The following HOXC10 variants were observed in gnomAD, a reference collection of about 807,000 sequenced individuals.
HOXC10 encodes the protein homeobox protein Hox-C10.
HOXC10 carries 15 observed loss-of-function variants against 26.0 expected under a neutral mutation model. The observed-to-expected ratio is 0.58, with a 90% confidence interval of 0.39 to 0.89. The LOEUF is 0.89. HOXC10 is among the 40% of genes least tolerant of loss of function. HOXC10 has a pLI of 0.00. For synonymous variants in HOXC10, 196 were observed against 185.5 expected, an observed-to-expected ratio of 1.06 and a Z score of -0.46; for missense variants, 446 against 451.9, an observed-to-expected ratio of 0.99 and a Z score of 0.12.
In HOXC10 at chr12:53,990,049, C is replaced by G. The variant is rs1254172317; in HGVS notation, c.*603C>G. 2 of 151,154 alleles carry G rather than the reference C, an allele frequency of 1.3e-5. No individual in the cohort carries two copies. The highest frequency in any genetic ancestry group is 6.6e-5 in the Admixed American group (1 of 15,116). The allele number at this position is 151,154 out of a possible 1,614,324, so 9.4% of individuals were successfully genotyped here. A position where few individuals can be genotyped will look rare whatever the true frequency, so the allele number is the denominator to read the frequency against. On this transcript the variant is annotated 3_prime_UTR_variant, in exon 2 of 2. Coordinates refer to ENST00000303460, the MANE Select transcript of HOXC10 (RefSeq NM_017409.4). ...TGCTTTTCTCCCACCCCTCCTAGCA[C>G]CCCCACATCCCCCATCTAGTAACAT...
At chr12:53,987,717 C>T (rs1377772201) in intron 1 of HOXC10, among the ~76,000 whole-genome samples, 1 of 152,158 alleles carries the variant, frequency 6.6e-6, no homozygotes, top group Non-Finnish European at 1.5e-5. Context: ...CCTCTCTGTG[C>T]CCTTCTTTCC....
Position 53,985,178 on chromosome 12 carries a change from GC to G in HOXC10, c.-75del, listed in dbSNP as rs1220158645. On this transcript the variant is annotated 5_prime_UTR_variant, in exon 1 of 2. Transcript: ENST00000303460. The stretch of plus-strand genomic sequence containing the variant: ...TTTTTCCTCCCTCCCCTCCAACCGC[GC>G]CCCCCCTCCCGGATGGGGAAAAAAA... 9 of 924,358 alleles carry G rather than the reference GC, an allele frequency of 9.7e-6. No individual in the cohort carries two copies. Among genetic ancestry groups the G allele is most frequent in the Middle Eastern group, 2.5e-4 (1 of 4,026 alleles). 57.3% of individuals were successfully genotyped at this position (924,358 alleles called of 1,614,324 possible). A position where few individuals can be genotyped will look rare whatever the true frequency, so the allele number is the denominator to read the frequency against.
intron 1 of HOXC10, among the ~76,000 whole-genome samples, chr12:53,987,096 G>A (rs775387267): frequency 1.4e-4 from 21 of 152,200 alleles, no homozygotes; most frequent in Non-Finnish European, 2.5e-4. Context: ...CACAACACCG[G>A]CTACTGGTGA....
At chr12:53,987,625 TC>T (rs1342336885) in intron 1 of HOXC10, among the ~76,000 whole-genome samples, 1 of 152,058 alleles carries the variant, frequency 6.6e-6, no homozygotes, top group Non-Finnish European at 1.5e-5. Context: ...CTGCACCCAT[TC>T]CCATAGGCTC....
At chr12:53,987,653 G>A (rs1939458700) in intron 1 of HOXC10, among the ~76,000 whole-genome samples, 1 of 152,202 alleles carries the variant, frequency 6.6e-6, no homozygotes, top group Admixed American at 6.5e-5. Context: ...TCCTCTAGCT[G>A]TCCCCACAGC....
At position 53,985,538 on chromosome 12, in the gene HOXC10, C is replaced by T. The variant is rs146305379; in HGVS notation, c.279C>T (p.Gly93=). The T allele has an allele frequency of 3.7e-6, 6 of 1,613,906 alleles. No individual in the cohort carries two copies. Among genetic ancestry groups the T allele is most frequent in the Non-Finnish European group, 4.2e-6 (5 of 1,180,040 alleles). ...KAAYRLEQPV[G]RPLSSCSYPP... ...CCTATCGCCTGGAACAACCTGTTGG[C>T]AGGCCGCTGTCCTCCTGCTCCTACC... is the stretch of plus-strand genomic sequence containing the variant. The change falls in exon 1 of 2, where the codon GGC becomes GGT. Residue 93 remains glycine, a synonymous_variant. Transcript: ENST00000303460.
intron 1 of HOXC10, 138 bp downstream of exon 1, chr12:53,986,148 C>A (rs1939431325): frequency 3.2e-6 from 3 of 932,266 alleles, no homozygotes; most frequent in South Asian, 2.0e-5. Flanking sequence ...TTTCGACTAG[C>A]GTCCGCTGAG....
At position 53,985,718 on chromosome 12, in the gene HOXC10, G is replaced by A. The variant is rs1432263828; in HGVS notation, c.459G>A (p.Pro153=). ...VPVPSYYRAS[P]SYSALDKTPH... ...TGCCCAGCTACTACCGCGCCAGCCC[G>A]AGCTACTCCGCGCTGGACAAGACGC... The change falls in exon 1 of 2, where the codon CCG becomes CCA. Residue 153 remains proline, a synonymous_variant. Transcript: ENST00000303460. 14 of 1,610,790 alleles carry A rather than the reference G, an allele frequency of 8.7e-6. No individual in the cohort carries two copies. The South Asian group carries it at 1.1e-4, about 13-fold the overall frequency.
rs1486294299 is a variant in HOXC10 at position 53,985,615 on chromosome 12, G to T, written c.356G>T (p.Arg119Leu). 6.2e-7 allele frequency: 1 copy of T among 1,613,784 alleles called. No homozygotes were observed. The highest frequency in any genetic ancestry group is 1.1e-5 in the South Asian group (1 of 91,088). Reference sequence around the variant, plus strand: ...TGCTGCATGTACAGCGCAGAGAAGCGGGCGAAAAGTGGCCCCGAGGCAGCT... The same window carrying T: ...TGCTGCATGTACAGCGCAGAGAAGCTGGCGAAAAGTGGCCCCGAGGCAGCT... ...NVCCMYSAEK[R>L]AKSGPEAALY... is the part of the protein sequence containing the mutation. Residue 119 changes from arginine to leucine, a missense_variant, in exon 1 of 2, where the codon CGG (arginine) becomes CTG (leucine). By Grantham distance (102) the Arg-to-Leu change is moderately radical. Transcript: ENST00000303460.
rs1939421618 is a variant in HOXC10 at position 53,985,724 on chromosome 12, C to T, written c.465C>T (p.Tyr155=). Residue 155 remains tyrosine, a synonymous_variant, in exon 1 of 2, where the codon TAC becomes TAT. Coordinates refer to ENST00000303460, the MANE Select transcript of HOXC10 (RefSeq NM_017409.4). ...GCTACTACCGCGCCAGCCCGAGCTA[C>T]TCCGCGCTGGACAAGACGCCCCACT... The part of the protein sequence containing the change: ...VPSYYRASPS[Y]SALDKTPHCS... 1 of 1,611,448 alleles carries T rather than the reference C, an allele frequency of 6.2e-7. No individual in the cohort carries two copies. The highest frequency in any genetic ancestry group is 8.5e-7 in the Non-Finnish European group (1 of 1,178,142).
Position 53,989,556 on chromosome 12 carries a change from T to C in HOXC10, c.*110T>C. 1 of 1,118,008 alleles carries C rather than the reference T, an allele frequency of 8.9e-7. No homozygotes were observed. The allele number at this position is 1,118,008 out of a possible 1,614,324, so 69.3% of individuals were successfully genotyped here. A position where few individuals can be genotyped will look rare whatever the true frequency, so the allele number is the denominator to read the frequency against. ...TCCCTGAGTATAAATGCAATGCGACTGCAAAAAAGGCAAAGACCTCAGACT... is the reference window on the plus strand; with the variant it reads ...TCCCTGAGTATAAATGCAATGCGACCGCAAAAAAGGCAAAGACCTCAGACT... On this transcript the variant is annotated 3_prime_UTR_variant, in exon 2 of 2. Coordinates refer to ENST00000303460, the MANE Select transcript of HOXC10 (RefSeq NM_017409.4).
In HOXC10 at chr12:53,989,975, C is replaced by G. The variant is rs1309977711; in HGVS notation, c.*529C>G. The G allele has an allele frequency of 6.5e-6, 1 of 153,222 alleles. No homozygotes were observed. The highest frequency in any genetic ancestry group is 2.4e-5 in the African/African-American group (1 of 41,412). The allele number at this position is 153,222 out of a possible 1,614,324, so 9.5% of individuals were successfully genotyped here. A position where few individuals can be genotyped will look rare whatever the true frequency, so the allele number is the denominator to read the frequency against. On this transcript the variant is annotated 3_prime_UTR_variant, in exon 2 of 2. Coordinates refer to ENST00000303460, the MANE Select transcript of HOXC10 (RefSeq NM_017409.4). Reference sequence around the variant, plus strand: ...CCAAACCCTCTCCATGTCTTTACCTCCCAGTCGCTCTAAGAATCTGCTTGA... The same window carrying G: ...CCAAACCCTCTCCATGTCTTTACCTGCCAGTCGCTCTAAGAATCTGCTTGA...
chr12:53,985,337 C>G lies in HOXC10; in HGVS notation c.78C>G (p.Ser26Arg). ...LAAPGGGERY[S>R]RSAGMYMQSG... ...CGCCCGGCGGAGGAGAGCGCTATAG[C>G]CGGAGCGCAGGCATGTATATGCAGT... The change falls in exon 1 of 2, where the codon AGC (serine) becomes AGG (arginine). Residue 26 changes from serine (S) to arginine (R), a missense_variant. Ser to Arg is a moderately radical substitution (Grantham distance 110). Transcript: ENST00000303460. 6.2e-7 allele frequency: 1 copy of G among 1,612,730 alleles called. No individual in the cohort carries two copies. Among genetic ancestry groups the G allele is most frequent in the East Asian group, 2.2e-5 (1 of 44,822 alleles).
At position 53,990,150 on chromosome 12, in the gene HOXC10, C is replaced by T. The variant is rs201873082; in HGVS notation, c.*704C>T. The T allele has an allele frequency of 1.5e-5, 2 of 135,188 alleles. No individual in the cohort carries two copies. The highest frequency in any genetic ancestry group is 3.2e-5 in the Non-Finnish European group (2 of 62,222). 8.4% of individuals were successfully genotyped at this position (135,188 alleles called of 1,614,324 possible). ...AAGCAAAGACAGAATGCCCCCCCCCCCAAATATTGTCCTGTCCCTGTCTGG... is the reference window on the plus strand; with the variant it reads ...AAGCAAAGACAGAATGCCCCCCCCCTCAAATATTGTCCTGTCCCTGTCTGG... On this transcript the variant is annotated 3_prime_UTR_variant, in exon 2 of 2. Transcript: ENST00000303460.
Position 53,985,244 on chromosome 12 carries a change from A to C in HOXC10, c.-16A>C. 1 of 1,513,826 alleles carries C rather than the reference A, an allele frequency of 6.6e-7. No homozygotes were observed. Among genetic ancestry groups the C allele is most frequent in the Non-Finnish European group, 8.8e-7 (1 of 1,131,892 alleles). The allele number at this position is 1,513,826 out of a possible 1,614,324, so 93.8% of individuals were successfully genotyped here. A position where few individuals can be genotyped will look rare whatever the true frequency, so the allele number is the denominator to read the frequency against. On this transcript the variant is annotated 5_prime_UTR_variant, in exon 1 of 2. Transcript: ENST00000303460. ...TCCGCTGTAGTATTGCTCCTTAAAA[A>C]CCCCTCTCTCTGAAAATGACATGCC... is the stretch of plus-strand genomic sequence containing the variant.
rs748475954 is a variant in HOXC10, at chr12:53,989,174, A to C, written c.757A>C (p.Ile253Leu). 13 of 1,601,614 alleles carry C rather than the reference A, an allele frequency of 8.1e-6. No homozygotes were observed. The East Asian group carries it at 2.7e-4, about 33-fold the overall frequency. ...DTSDNEAKEEIKAENTTGNWL... is the reference protein window; with the variant it reads ...DTSDNEAKEELKAENTTGNWL... ...AATAATGTTATTTTTAACAGAGGAG[A>C]TAAAGGCAGAAAACACCACAGGAAA... Residue 253 changes from isoleucine to leucine, a missense_variant, in exon 2 of 2, where the codon ATA (isoleucine) becomes CTA (leucine). By Grantham distance (5) the Ile-to-Leu change is conservative (BLOSUM62 2). Coordinates refer to ENST00000303460, the MANE Select transcript of HOXC10 (RefSeq NM_017409.4).
At chr12:53,986,129 G>C in intron 1 of HOXC10, 119 bp downstream of exon 1, 1 of 1,093,112 alleles carries the variant, frequency 9.1e-7, no homozygotes, top group Non-Finnish European at 1.2e-6. Flanking sequence ...TCGGGAATGC[G>C]ACCCTGGCTT....
rs1419726594 is a variant in HOXC10 at position 53,985,961 on chromosome 12, G to A, written c.702G>A (p.Arg234=). ...GCCCCTCGGAGAGCGAAAAGGAGAG[G>A]GCCAAAGCTGCCGACTCCAGCCCAG... is the stretch of plus-strand genomic sequence containing the variant. The part of the protein sequence containing the change: ...KGSPSESEKE[R]AKAADSSPDT... Residue 234 remains arginine, a synonymous_variant, in exon 1 of 2, where the codon AGG becomes AGA. Transcript: ENST00000303460. The A allele has an allele frequency of 6.2e-7, 1 of 1,604,588 alleles. No homozygotes were observed. The highest frequency in any genetic ancestry group is 8.5e-7 in the Non-Finnish European group (1 of 1,176,446).
At chr12:53,988,764 C>T (rs980128638) in intron 1 of HOXC10, among the ~76,000 whole-genome samples, 2 of 152,190 alleles carry the variant, frequency 1.3e-5, no homozygotes, top group African/African-American at 2.4e-5. Flanking sequence ...GGACTCTGCT[C>T]TGGTCTGGGG....
Sources: gnomAD v4.1 joint callset for allele counts (sites outside exome capture counted in the v4.1 genomes callset) on GRCh38, gnomAD v4.1.1 for gene constraint, MANE v1.5 for transcripts, NCBI Gene and HGNC (gene_info 2026-07-23, HGNC 2026-07-21) for gene names.